The following MPP7 variants were observed in gnomAD, a reference collection of about 807,000 sequenced individuals.
The protein encoded by MPP7 is MAGUK p55 subfamily member 7.
Under a neutral mutation model 76.5 loss-of-function variants are expected in MPP7, and 60 were observed. That is an observed-to-expected ratio of 0.78 (90% CI 0.64 to 0.97). MPP7 has a LOEUF of 0.97. Ranked by LOEUF, MPP7 falls within the 50% of genes least tolerant of loss-of-function variation. MPP7 has a pLI of 0.00. For missense variants in MPP7, 641 were observed against 694.0 expected (o/e 0.92, Z 0.86); for synonymous variants, 237 against 244.5 (o/e 0.97, Z 0.29).
At chr10:28,117,095 T>C (rs1458063309) in intron 11 of MPP7, among the ~76,000 whole-genome samples, 1 of 152,092 alleles carries the variant, frequency 6.6e-6, no homozygotes, top group Non-Finnish European at 1.5e-5. Context: ...CCATGAACTT[T>C]TCCCCCATGC....
chr10:28,151,682 G>A (rs1835887934), intron 3 of MPP7, among the ~76,000 whole-genome samples: 1 of 152,188 alleles, frequency 6.6e-6, no homozygotes, highest in African/African-American at 2.4e-5. Flanking sequence ...AGAAAATAAA[G>A]AGGTAGACAG....
At chr10:28,257,825 T>C (rs981913787) in intron 1 of MPP7, among the ~76,000 whole-genome samples, 1 of 151,980 alleles carries the variant, frequency 6.6e-6, no homozygotes, top group Admixed American at 6.6e-5. Flanking sequence ...CTGTAATAGC[T>C]ACATGCAATT....
At chr10:28,098,452 A>G (rs11006863) in intron 11 of MPP7, among the ~76,000 whole-genome samples, 17,332 of 151,824 alleles carry the variant, frequency 0.11, 1,657 homozygotes, top group East Asian at 0.51. Context: ...TTAGGTAGAG[A>G]GGGCTGTGGA....
intron 1 of MPP7, among the ~76,000 whole-genome samples, chr10:28,265,240 C>T (rs1840111242): frequency 6.6e-6 from 1 of 152,186 alleles, no homozygotes; most frequent in South Asian, 2.1e-4. Flanking sequence ...TTTAAAAGAA[C>T]AGAATTATGA....
intron 12 of MPP7, among the ~76,000 whole-genome samples, chr10:28,082,309 A>G (rs890245318): frequency 6.6e-6 from 1 of 152,188 alleles, no homozygotes; most frequent in Non-Finnish European, 1.5e-5. Flanking sequence ...AACCAGTAGA[A>G]GCCTACTGAT....
At chr10:28,206,630 AACT>A (rs1435884809) in intron 2 of MPP7, among the ~76,000 whole-genome samples, 1 of 152,150 alleles carries the variant, frequency 6.6e-6, no homozygotes, top group African/African-American at 2.4e-5. Context: ...TATTTACAAT[AACT>A]TTGTAAATAA....
intron 14 of MPP7, chr10:28,059,404 C>G: frequency 2.7e-6 from 1 of 370,626 alleles, no homozygotes; most frequent in Non-Finnish European, 4.8e-6. Flanking sequence ...ACACTTGCAA[C>G]CTTCCCTCAT....
chr10:28,167,309 T>TAAAAAAAA (rs1564672363), intron 3 of MPP7, among the ~76,000 whole-genome samples: 2 of 74,218 alleles, frequency 2.7e-5, no homozygotes, highest in Admixed American at 1.5e-4. Context: ...AGGCTCTGCC[T>TAAAAAAAA]CAAAAAAACA....
At chr10:28,234,447 G>A (rs1223243992) in intron 2 of MPP7, among the ~76,000 whole-genome samples, 1 of 152,152 alleles carries the variant, frequency 6.6e-6, no homozygotes, top group Non-Finnish European at 1.5e-5. Flanking sequence ...ACATGCTACT[G>A]TAAGTGTGGG....
intron 15 of MPP7, chr10:28,057,977 C>G: frequency 1.3e-6 from 1 of 752,676 alleles, no homozygotes; most frequent in Non-Finnish European, 1.8e-6. Flanking sequence ...TCCAGGATGA[C>G]AGGTGCAGAC....
At position 28,121,158 on chromosome 10, in the gene MPP7, T is replaced by G. The variant is rs558921093; in HGVS notation, c.616-490A>C. On this transcript the variant is annotated intron_variant, in intron 8 of 16. Transcript: ENST00000683449. ...GTCTCTACAAAAAAAATTTTAAAAATTAGCCAAGCGTGGTGATGAAGCTAA... is the reference window on the plus strand; with the variant it reads ...GTCTCTACAAAAAAAATTTTAAAAAGTAGCCAAGCGTGGTGATGAAGCTAA... Among the ~76,000 whole-genome samples, 65 of 152,084 alleles carry G rather than the reference T, an allele frequency of 4.3e-4. 1 individual carries two copies. Among genetic ancestry groups the G allele is most frequent in the African/African-American group, 1.4e-3 (59 of 41,486 alleles).
At chr10:28,332,043 CA>C (rs1834475092) in intron 1 of MPP7, among the ~76,000 whole-genome samples, 1 of 152,158 alleles carries the variant, frequency 6.6e-6, no homozygotes, top group African/African-American at 2.4e-5. Context: ...GGTAATTGAA[CA>C]AGCATTTGCT....
At chr10:28,213,156 T>C (rs978513663) in intron 2 of MPP7, among the ~76,000 whole-genome samples, 2 of 151,956 alleles carry the variant, frequency 1.3e-5, no homozygotes, top group African/African-American at 4.8e-5. Flanking sequence ...CCCAGGCTGG[T>C]CTCAAACGCC....
intron 3 of MPP7, among the ~76,000 whole-genome samples, chr10:28,179,176 C>G (rs1836977124): frequency 6.6e-6 from 1 of 152,300 alleles, no homozygotes; most frequent in South Asian, 2.1e-4. Flanking sequence ...TCTCCTCCAA[C>G]ACACTCACAC....
intron 11 of MPP7, among the ~76,000 whole-genome samples, chr10:28,104,955 T>C (rs559951759): frequency 2.9e-4 from 44 of 152,128 alleles, no homozygotes; most frequent in African/African-American, 1.0e-3. Flanking sequence ...CATTTCTCCC[T>C]TTGCCATACT....
chr10:28,256,555 G>T (rs914902693), intron 1 of MPP7, among the ~76,000 whole-genome samples: 3 of 152,016 alleles, frequency 2.0e-5, no homozygotes, highest in Non-Finnish European at 2.9e-5. Context: ...TCAGGCAATG[G>T]TTTTAAAAAA....
intron 5 of MPP7, among the ~76,000 whole-genome samples, chr10:28,144,346 T>A (rs1194155594): frequency 6.6e-6 from 1 of 152,034 alleles, no homozygotes; most frequent in African/African-American, 2.4e-5. Flanking sequence ...CGATTTCAGG[T>A]GTGGCCATAT....
At chr10:28,062,406 T>TA (rs1316285843) in intron 13 of MPP7, among the ~76,000 whole-genome samples, 5 of 150,062 alleles carry the variant, frequency 3.3e-5, no homozygotes, top group Non-Finnish European at 7.4e-5. Context: ...AAATGGAAAT[T>TA]AAAAAACACT....
chr10:28,310,014 T>TC, intron 2 of MPP7, among the ~76,000 whole-genome samples: 1 of 134,406 alleles, frequency 7.4e-6, no homozygotes, highest in Non-Finnish European at 1.6e-5. Flanking sequence ...TTTTTTTTTT[T>TC]TTTTTTAAAC....
Sources: allele counts gnomAD v4.1 joint callset (sites outside exome capture counted in the v4.1 genomes callset), GRCh38; gene constraint gnomAD v4.1.1; transcripts MANE v1.5; gene names NCBI Gene and HGNC (gene_info 2026-07-23, HGNC 2026-07-21).